Variants in CHD9 observed in about 807,000 individuals in gnomAD.
CHD9 encodes ATP-dependent chromatin remodeler CHD9.
CHD9 carries 77 observed loss-of-function variants against 316.1 expected under a neutral mutation model. The observed-to-expected ratio is 0.24, with a 90% CI of 0.20 to 0.29. CHD9 has a LOEUF of 0.29. Among genes scored for constraint, CHD9 ranks in the 10% least tolerant of loss-of-function variants. CHD9 has a pLI of 1.00. For missense variants in CHD9, 2,763 were observed against 3,438.1 expected (o/e 0.80, Z 4.91); for synonymous variants, 1,129 against 1,158.3 (o/e 0.97, Z 0.51).
intron 1 of CHD9, among the ~76,000 whole-genome samples, chr16:53,128,789 G>A (rs757046874): frequency 7.2e-5 from 11 of 152,154 alleles, no homozygotes; most frequent in Admixed American, 2.0e-4. Flanking sequence ...TCACTGACCA[G>A]TGAAAATAAA....
intron 20 of CHD9, among the ~76,000 whole-genome samples, chr16:53,266,137 A>C (rs1196647069): frequency 6.6e-6 from 1 of 152,044 alleles, no homozygotes; most frequent in Non-Finnish European, 1.5e-5. Context: ...CCATCAGTGA[A>C]TTCTAAAATT....
chr16:53,177,879 A>C (rs1301542528), intron 2 of CHD9, among the ~76,000 whole-genome samples: 1 of 152,184 alleles, frequency 6.6e-6, no homozygotes, highest in East Asian at 1.9e-4. Flanking sequence ...ACTCTATTCT[A>C]CTTGTCTTTC....
chr16:53,138,123 G>A (rs1400102117), intron 1 of CHD9, among the ~76,000 whole-genome samples: 2 of 152,116 alleles, frequency 1.3e-5, no homozygotes, highest in Admixed American at 1.3e-4. Context: ...ACTGATAGGG[G>A]ATATACATCG....
chr16:53,324,983 A>G lies in CHD9; in HGVS notation c.*88A>G, dbSNP rs577320612. 5.4e-6 allele frequency: 6 copies of G among 1,107,160 alleles called. No homozygotes were observed. The highest frequency in any genetic ancestry group is 1.8e-5 in the South Asian group (1 of 54,288). The allele number at this position is 1,107,160 out of a possible 1,614,324, so 68.6% of individuals were successfully genotyped here. A position where few individuals can be genotyped will look rare whatever the true frequency, so the allele number is the denominator to read the frequency against. On this transcript the variant is annotated 3_prime_UTR_variant, in exon 39 of 39. Transcript: ENST00000447540. ...AAATACCCCAGTGTTGAGTGCATCA[A>G]TAACTTACTGACCGAACATTTCAGT... is the stretch of plus-strand genomic sequence containing the variant.
Position 53,291,995 on chromosome 16 carries a change from G to A in CHD9, c.5290+228G>A, listed in dbSNP as rs118116731. ...TGAGCTTTTATAGAACATAGGTTTTGATGACATTATGACTTGACTATTAAA... is the reference window on the plus strand; with the variant it reads ...TGAGCTTTTATAGAACATAGGTTTTAATGACATTATGACTTGACTATTAAA... On this transcript the variant is annotated intron_variant, in intron 28 of 38. Coordinates refer to ENST00000447540, the MANE Select transcript of CHD9 (RefSeq NM_001308319.2). Among the ~76,000 whole-genome samples, 197 of 152,300 alleles carry A rather than the reference G, an allele frequency of 1.3e-3. 1 individual carries two copies. The Middle Eastern group carries it at 0.014, about 11-fold the overall frequency.
intron 16 of CHD9, among the ~76,000 whole-genome samples, chr16:53,248,335 C>CAA (rs11321027): frequency 1.7e-5 from 2 of 116,324 alleles, no homozygotes; most frequent in African/African-American, 3.0e-5. Context: ...AACTCTGTCT[C>CAA]AAAAAAAAAA....
At chr16:53,079,432 T>G (rs1327671074) in intron 1 of CHD9, among the ~76,000 whole-genome samples, 2 of 152,220 alleles carry the variant, frequency 1.3e-5, no homozygotes, top group Non-Finnish European at 2.9e-5. Context: ...CTTCTAGAAC[T>G]GAGTTATGTT....
chr16:53,180,522 G>A (rs898078616), intron 2 of CHD9, among the ~76,000 whole-genome samples: 3 of 152,078 alleles, frequency 2.0e-5, no homozygotes, highest in African/African-American at 7.2e-5. Flanking sequence ...GAATTATAGA[G>A]ACAGTACTTT....
intron 2 of CHD9, among the ~76,000 whole-genome samples, chr16:53,200,313 G>A (rs2045336060): frequency 6.8e-6 from 1 of 148,146 alleles, no homozygotes; most frequent in Admixed American, 6.8e-5. Flanking sequence ...AGGGGTTGCA[G>A]TGAGCCAAGA....
chr16:53,304,770 C>T, intron 31 of CHD9, 145 bp downstream of exon 31: 1 of 659,248 alleles, frequency 1.5e-6, no homozygotes, highest in Non-Finnish European at 2.4e-6. Flanking sequence ...TCTCAGCTCA[C>T]TTCAACCTCC....
intron 1 of CHD9, among the ~76,000 whole-genome samples, chr16:53,142,345 G>T (rs532843055): frequency 6.6e-6 from 1 of 152,092 alleles, no homozygotes; most frequent in Non-Finnish European, 1.5e-5. Flanking sequence ...CAAGAGATCC[G>T]CCTGCCTTGC....
intron 1 of CHD9, among the ~76,000 whole-genome samples, chr16:53,105,436 C>A (rs963819585): frequency 3.9e-5 from 6 of 152,026 alleles, no homozygotes; most frequent in African/African-American, 1.4e-4. Context: ...TGAAATTATT[C>A]TATTAGTAAT....
At chr16:53,322,383 G>A (rs1055697546) in intron 38 of CHD9, among the ~76,000 whole-genome samples, 6 of 151,450 alleles carry the variant, frequency 4.0e-5, no homozygotes, top group Admixed American at 6.6e-5. Context: ...CGAGGCGGGT[G>A]GATCACCTGA....
At chr16:53,232,968 A>G (rs2048310667) in intron 10 of CHD9, among the ~76,000 whole-genome samples, 1 of 152,188 alleles carries the variant, frequency 6.6e-6, no homozygotes, top group Non-Finnish European at 1.5e-5. Context: ...CACAACAATC[A>G]ACACAAAAGA....
At position 53,267,493 on chromosome 16, in the gene CHD9, A is replaced by G. The variant is rs777686663; in HGVS notation, c.4517+3A>G. On this transcript the variant is annotated splice_donor_region_variant and intron_variant, in intron 21 of 38. Coordinates refer to ENST00000447540, the MANE Select transcript of CHD9 (RefSeq NM_001308319.2). ...GAGAAAAACCTGCTAGTTTATGGGT[A>G]AAACATTGTTTTTAATGTTTGCTCT... 3 of 1,581,520 alleles carry G rather than the reference A, an allele frequency of 1.9e-6. No individual in the cohort carries two copies. Among genetic ancestry groups the G allele is most frequent in the Admixed American group, 3.7e-5 (2 of 54,696 alleles).
At chr16:53,228,721 G>A (rs543420381) in intron 7 of CHD9, among the ~76,000 whole-genome samples, 9 of 151,920 alleles carry the variant, frequency 5.9e-5, no homozygotes, top group South Asian at 4.2e-4. Flanking sequence ...TAGATAAATC[G>A]TATCTTGCAA....
chr16:53,177,252 G>A (rs996933242), intron 2 of CHD9, among the ~76,000 whole-genome samples: 26 of 152,060 alleles, frequency 1.7e-4, no homozygotes, highest in African/African-American at 6.3e-4. Flanking sequence ...CACTGCGCCT[G>A]GCCGACACCT....
At chr16:53,187,010 A>G (rs1422060380) in intron 2 of CHD9, among the ~76,000 whole-genome samples, 2 of 152,206 alleles carry the variant, frequency 1.3e-5, no homozygotes, top group African/African-American at 2.4e-5. Flanking sequence ...AGACTTGGAG[A>G]GGGAAAATCC....
In CHD9 at chr16:53,156,588, G is replaced by A. The variant is rs766790660; in HGVS notation, c.499G>A (p.Ala167Thr). The A allele has an allele frequency of 4.3e-6, 7 of 1,613,742 alleles. No individual in the cohort carries two copies. The highest frequency in any genetic ancestry group is 2.2e-5 in the South Asian group (2 of 91,080). Residue 167 changes from alanine (A) to threonine (T), a missense_variant, in exon 2 of 39, where the codon GCC becomes ACC. Physicochemically the swap from Ala to Thr is moderately conservative, Grantham distance 58. Transcript: ENST00000447540. ...ACACCATGACTTTGCCTTATTTCAG[G>A]CCAATGAACAACAAACACAGTGTAC... ...VAHHDFALFQ[A>T]NEQQTQCTSL...
Sources: gnomAD v4.1 joint callset for allele counts (sites outside exome capture counted in the v4.1 genomes callset) on GRCh38, gnomAD v4.1.1 for gene constraint, MANE v1.5 for transcripts, NCBI Gene and HGNC (gene_info 2026-07-23, HGNC 2026-07-21) for gene names.